COG6: variants seen among roughly 807,000 people sequenced by gnomAD.
COG6 encodes the protein conserved oligomeric Golgi complex subunit 6.
In COG6, 74 loss-of-function variants were observed where a neutral mutation model predicts 88.8. The observed-to-expected ratio is 0.83, with a 90% CI of 0.69 to 1.01. COG6 has a LOEUF of 1.01. COG6 is among the 50% of genes least tolerant of loss of function. The pLI is 0.00. For missense variants in COG6, 800 were observed against 797.9 expected (o/e 1.00, Z -0.03); for synonymous variants, 286 against 278.7 (o/e 1.03, Z -0.26).
chr13:39,671,029 C>A (rs1219652995), intron 4 of COG6, among the ~76,000 whole-genome samples: 1 of 151,956 alleles, frequency 6.6e-6, no homozygotes, highest in African/African-American at 2.4e-5. Context: ...CATCTCCTTT[C>A]TTCTTTCTTC....
intron 17 of COG6, among the ~76,000 whole-genome samples, chr13:39,724,968 T>A (rs552907787): frequency 1.4e-3 from 218 of 152,050 alleles, no homozygotes; most frequent in African/African-American, 4.7e-3. Context: ...TTAAAACAGT[T>A]TATTACTCTT....
chr13:39,724,153 A>G (rs1198022657), intron 16 of COG6, among the ~76,000 whole-genome samples: 2 of 151,986 alleles, frequency 1.3e-5, no homozygotes. Flanking sequence ...GTAGGAACCA[A>G]TTTTACTGCC....
At chr13:39,720,655 C>T (rs1878802661) in intron 15 of COG6, among the ~76,000 whole-genome samples, 1 of 152,018 alleles carries the variant, frequency 6.6e-6, no homozygotes, top group Non-Finnish European at 1.5e-5. Flanking sequence ...ATCCTCTCCA[C>T]CCCCAACATC....
intron 18 of COG6, among the ~76,000 whole-genome samples, chr13:39,777,608 C>T (rs1364705794): frequency 6.6e-6 from 1 of 152,112 alleles, no homozygotes; most frequent in Non-Finnish European, 1.5e-5. Context: ...ACAGGAGGGG[C>T]AGCAGAGAGA....
chr13:39,751,489 G>A lies in COG6; in HGVS notation c.*396G>A. 1 of 1,261,664 alleles carries A rather than the reference G, an allele frequency of 7.9e-7. No homozygotes were observed. Among genetic ancestry groups the A allele is most frequent in the South Asian group, 1.2e-5 (1 of 80,324 alleles). 78.2% of individuals were successfully genotyped at this position (1,261,664 alleles called of 1,614,324 possible). On this transcript the variant is annotated 3_prime_UTR_variant, in exon 19 of 19. Coordinates refer to ENST00000455146, the MANE Select transcript of COG6 (RefSeq NM_020751.3). ...AGTATAAGGATATGACCTAATAAAT[G>A]TCTCCTTACCTAAAGATTCATTTGC...
chr13:39,718,955 AAATGTAATTCTAC>A (rs1387884118), intron 13 of COG6, among the ~76,000 whole-genome samples: 2 of 150,148 alleles, frequency 1.3e-5, no homozygotes, highest in Admixed American at 1.3e-4. Context: ...ATCCATATTA[AAATGTAATTCTAC>A]AATTCAATTG....
chr13:39,667,905 CT>C (rs1431951993), intron 4 of COG6, among the ~76,000 whole-genome samples: 1 of 152,076 alleles, frequency 6.6e-6, no homozygotes, highest in Non-Finnish European at 1.5e-5. Context: ...TTATATATTG[CT>C]GCTGAGTTTG....
At chr13:39,666,119 A>G (rs184453524) in intron 4 of COG6, among the ~76,000 whole-genome samples, 8 of 152,312 alleles carry the variant, frequency 5.3e-5, no homozygotes, top group Non-Finnish European at 1.5e-5. Flanking sequence ...TGATCCAACT[A>G]GTGTTTTTTT....
chr13:39,759,481 T>C (rs1409030973), intron 18 of COG6, among the ~76,000 whole-genome samples: 1 of 152,182 alleles, frequency 6.6e-6, no homozygotes, highest in Non-Finnish European at 1.5e-5. Flanking sequence ...TATTGAATAC[T>C]TGCAGGTCAG....
At chr13:39,683,641 A>G (rs1384885544) in intron 8 of COG6, among the ~76,000 whole-genome samples, 2 of 152,126 alleles carry the variant, frequency 1.3e-5, no homozygotes, top group Non-Finnish European at 2.9e-5. Flanking sequence ...ACATATTGAC[A>G]TTAATTATGA....
downstream of COG6, among the ~76,000 whole-genome samples, chr13:39,754,641 G>C (rs1200025196): frequency 1.3e-5 from 2 of 152,142 alleles, no homozygotes; most frequent in Non-Finnish European, 2.9e-5. Context: ...GCTAAAGTTA[G>C]AACTCAATAT....
intron 13 of COG6, among the ~76,000 whole-genome samples, chr13:39,707,389 A>C (rs181259090): frequency 0.015 from 2,225 of 152,226 alleles, 26 homozygotes; most frequent in Middle Eastern, 0.065. Flanking sequence ...AGCCTTCCAA[A>C]GTGCTGGGAT....
chr13:39,684,270 A>G (rs1876502128), intron 8 of COG6, among the ~76,000 whole-genome samples: 1 of 8,612 alleles, frequency 1.2e-4, no homozygotes. Context: ...TTTTTTTTTG[A>G]GACGGAGTCT....
intron 18 of COG6, among the ~76,000 whole-genome samples, chr13:39,728,740 G>A (rs1593456690): frequency 6.6e-6 from 1 of 151,444 alleles, no homozygotes; most frequent in African/African-American, 2.4e-5. Flanking sequence ...TCTTGGCTCA[G>A]TGCAATCTCT....
intron 17 of COG6, among the ~76,000 whole-genome samples, chr13:39,725,962 A>G (rs548870592): frequency 6.6e-6 from 1 of 151,962 alleles, no homozygotes; most frequent in African/African-American, 2.4e-5. Flanking sequence ...CTCTTGACAC[A>G]TATCCAGTCT....
intron 18 of COG6, among the ~76,000 whole-genome samples, chr13:39,779,473 A>G (rs899142817): frequency 1.6e-4 from 24 of 152,206 alleles, no homozygotes; most frequent in Non-Finnish European, 3.1e-4. Context: ...GGCAGCATGC[A>G]TTCTTCTGTG....
At chr13:39,674,503 A>G (rs1292782004) in intron 4 of COG6, among the ~76,000 whole-genome samples, 1 of 152,166 alleles carries the variant, frequency 6.6e-6, no homozygotes, top group Non-Finnish European at 1.5e-5. Flanking sequence ...AAAATTAAGT[A>G]GTCCGTTTAT....
chr13:39,733,189 CTTTT>C (rs914935008), intron 18 of COG6, among the ~76,000 whole-genome samples: 5 of 133,250 alleles, frequency 3.8e-5, no homozygotes, highest in Non-Finnish European at 3.3e-5. Context: ...AGAAAGAATT[CTTTT>C]TTTTTTTTTT....
Position 39,751,527 on chromosome 13 carries a change from T to C in COG6, c.*434T>C, listed in dbSNP as rs1211682139. The C allele has an allele frequency of 7.8e-7, 1 of 1,285,752 alleles. No homozygotes were observed. The highest frequency in any genetic ancestry group is 1.0e-6 in the Non-Finnish European group (1 of 987,364). 79.6% of individuals were successfully genotyped at this position (1,285,752 alleles called of 1,614,324 possible). Reference sequence around the variant, plus strand: ...AAGATTCATTTGCTTTCTTTTAATATGAGTAGGCATACTTAGTAGCTTTTC... The same window carrying C: ...AAGATTCATTTGCTTTCTTTTAATACGAGTAGGCATACTTAGTAGCTTTTC... On this transcript the variant is annotated 3_prime_UTR_variant, in exon 19 of 19. Coordinates refer to ENST00000455146, the MANE Select transcript of COG6 (RefSeq NM_020751.3).
Sources: allele counts gnomAD v4.1 joint callset (sites outside exome capture counted in the v4.1 genomes callset), GRCh38; gene constraint gnomAD v4.1.1; transcripts MANE v1.5; gene names NCBI Gene and HGNC (gene_info 2026-07-23, HGNC 2026-07-21).